The following TJP2 variants were observed in gnomAD, a reference collection of about 807,000 sequenced individuals.
TJP2 encodes the protein tight junction protein 2.
A neutral mutation model predicts 133.1 loss-of-function variants in TJP2; 91 were observed. The observed-to-expected ratio is 0.68, with a 90% CI of 0.58 to 0.81. The LOEUF is 0.81. Among genes scored for constraint, TJP2 ranks in the 40% least tolerant of loss-of-function variants. The probability of loss-of-function intolerance (pLI) is 0.00; values close to 1 mark genes in which losing one functional copy is unlikely to be tolerated. For synonymous variants in TJP2, 592 were observed against 583.4 expected (o/e 1.01, Z -0.21); for missense variants, 1,541 against 1,565.6 (o/e 0.98, Z 0.26).
At chr9:69,151,709 A>C in exon 2 of TJP2, 1 of 1,232,102 alleles carries the variant, frequency 8.1e-7, no homozygotes, top group Non-Finnish European at 1.0e-6. Context: ...CCCCGGCTGC[A>C]GCTCCAGGAG....
At position 69,255,144 on chromosome 9, in the gene TJP2, A is replaced by C. The variant is rs899069617; in HGVS notation, c.*770A>C. ...TACTTGAGGAAAACACTATTTCCAAAAGCACATGTATTGACAACAGTTTTA... is the reference window on the plus strand; with the variant it reads ...TACTTGAGGAAAACACTATTTCCAACAGCACATGTATTGACAACAGTTTTA... On this transcript the variant is annotated 3_prime_UTR_variant, in exon 23 of 23. Coordinates refer to ENST00000377245, the MANE Select transcript of TJP2 (RefSeq NM_004817.4). 1 of 152,520 alleles carries C rather than the reference A, an allele frequency of 6.6e-6. No individual in the cohort carries two copies. Among genetic ancestry groups the C allele is most frequent in the Admixed American group, 6.5e-5 (1 of 15,298 alleles). 9.4% of individuals were successfully genotyped at this position (152,520 alleles called of 1,614,324 possible). A position where few individuals can be genotyped will look rare whatever the true frequency, so the allele number is the denominator to read the frequency against.
At chr9:69,154,128 C>T (rs1823620211) in intron 2 of TJP2, among the ~76,000 whole-genome samples, 1 of 152,142 alleles carries the variant, frequency 6.6e-6, no homozygotes, top group Admixed American at 6.6e-5. Flanking sequence ...GTTGCACAGC[C>T]CCTGACTTCC....
chr9:69,248,138 T>C lies in TJP2; in HGVS notation c.2794T>C (p.Tyr932His). The C allele has an allele frequency of 1.2e-6, 2 of 1,614,170 alleles. No individual in the cohort carries two copies. Among genetic ancestry groups the C allele is most frequent in the South Asian group, 1.1e-5 (1 of 91,082 alleles). ...AGACACGGACGGTGAAGGAGGCGCC[T>C]ACACTGACAATGAGCTGGATGAGCC... ...FEDTDGEGGA[Y>H]TDNELDEPAE... The change falls in exon 19 of 23, where the codon TAC (tyrosine) becomes CAC (histidine). Residue 932 changes from tyrosine to histidine, a missense_variant. By Grantham distance (83) the Tyr-to-His change is moderately conservative (BLOSUM62 2). Transcript: ENST00000377245.
chr9:69,197,909 C>T (rs1440158416), intron 1 of TJP2, among the ~76,000 whole-genome samples: 3 of 152,172 alleles, frequency 2.0e-5, no homozygotes, highest in Admixed American at 2.0e-4. Flanking sequence ...CTGGATTTTA[C>T]AGAGTGCTTT....
intron 7 of TJP2, 127 bp downstream of exon 7, chr9:69,226,302 T>TC: frequency 2.9e-6 from 3 of 1,046,366 alleles, no homozygotes; most frequent in Non-Finnish European, 4.2e-6. Context: ...GAAACCTTAA[T>TC]CTCCAAAGGT....
At chr9:69,128,903 T>C (rs1054749754) in intron 1 of TJP2, among the ~76,000 whole-genome samples, 4 of 152,166 alleles carry the variant, frequency 2.6e-5, no homozygotes, top group Admixed American at 1.3e-4. Context: ...AAATTCTGTT[T>C]TGAATAAATT....
intron 1 of TJP2, among the ~76,000 whole-genome samples, chr9:69,135,898 G>T (rs934082518): frequency 6.6e-6 from 1 of 152,162 alleles, no homozygotes; most frequent in African/African-American, 2.4e-5. Flanking sequence ...GAGTCACCGT[G>T]CCCAGCCAAG....
intron 1 of TJP2, among the ~76,000 whole-genome samples, chr9:69,196,927 ATG>A (rs150452125): frequency 0.2 from 28,358 of 143,984 alleles, 3,009 homozygotes; most frequent in African/African-American, 0.27. Flanking sequence ...TTATATATAT[ATG>A]TGTGTGTGTG....
chr9:69,235,825 G>T (rs889076430), intron 12 of TJP2, among the ~76,000 whole-genome samples: 1 of 152,166 alleles, frequency 6.6e-6, no homozygotes, highest in Non-Finnish European at 1.5e-5. Context: ...GCCCAGTCAA[G>T]TTGAAATAAA....
intron 1 of TJP2, among the ~76,000 whole-genome samples, chr9:69,189,622 T>C (rs57854304): frequency 5.6e-5 from 2 of 36,022 alleles, no homozygotes; most frequent in Non-Finnish European, 1.3e-4. Context: ...AGCACCACAG[T>C]GGAGACTCCA....
intron 2 of TJP2, among the ~76,000 whole-genome samples, chr9:69,161,174 C>G (rs1824048551): frequency 6.6e-6 from 1 of 151,954 alleles, no homozygotes; most frequent in Admixed American, 6.6e-5. Context: ...CGGAGGGATG[C>G]AAGGTAGTAT....
chr9:69,160,489 G>A (rs1824010784), intron 2 of TJP2, among the ~76,000 whole-genome samples: 1 of 152,208 alleles, frequency 6.6e-6, no homozygotes, highest in Non-Finnish European at 1.5e-5. Flanking sequence ...CTCTAGGAAT[G>A]TGGAAAAGTT....
chr9:69,214,577 T>A (rs143000316), intron 2 of TJP2, among the ~76,000 whole-genome samples: 2 of 152,262 alleles, frequency 1.3e-5, no homozygotes, highest in Non-Finnish European at 1.5e-5. Context: ...ATCTTTAAAA[T>A]CCAGTTACGG....
intron 1 of TJP2, among the ~76,000 whole-genome samples, chr9:69,133,546 C>CT (rs10577570): frequency 0.3 from 30,851 of 102,708 alleles, 5,196 homozygotes; most frequent in South Asian, 0.39. Flanking sequence ...ATTTTTCTGG[C>CT]TTTTTTTTTT....
intron 1 of TJP2, chr9:69,145,682 A>G: frequency 8.2e-7 from 1 of 1,216,526 alleles, no homozygotes; most frequent in East Asian, 3.2e-5. Context: ...AATTTACAGG[A>G]CCTTGTACCG....
At chr9:69,132,576 GA>G (rs375881766) in intron 1 of TJP2, among the ~76,000 whole-genome samples, 1 of 152,170 alleles carries the variant, frequency 6.6e-6, no homozygotes, top group Non-Finnish European at 1.5e-5. Flanking sequence ...GAGAAGGGTG[GA>G]AAAGAGTTCA....
chr9:69,181,422 G>C (rs1825501918), intron 1 of TJP2, among the ~76,000 whole-genome samples: 1 of 151,860 alleles, frequency 6.6e-6, no homozygotes, highest in Non-Finnish European at 1.5e-5. Flanking sequence ...CTAATTTTTT[G>C]TATCTTTGGT....
chr9:69,197,999 C>T (rs886633556), intron 1 of TJP2, among the ~76,000 whole-genome samples: 7 of 152,298 alleles, frequency 4.6e-5, no homozygotes, highest in Admixed American at 2.0e-4. Flanking sequence ...ATTGAGTGAG[C>T]GCCCAAGCTC....
intron 1 of TJP2, chr9:69,122,019 C>T (rs1822167587): frequency 6.6e-6 from 1 of 152,338 alleles, no homozygotes; most frequent in African/African-American, 2.4e-5. Context: ...TTCCTCATCG[C>T]CCCCGGGGCG....
Sources: allele counts gnomAD v4.1 joint callset (sites outside exome capture counted in the v4.1 genomes callset), GRCh38; gene constraint gnomAD v4.1.1; transcripts MANE v1.5; gene names NCBI Gene and HGNC (gene_info 2026-07-23, HGNC 2026-07-21).